The following LGALS12 variants were observed in gnomAD, a reference collection of about 807,000 sequenced individuals.
The protein encoded by LGALS12 is galectin-12.
LGALS12 carries 36 observed loss-of-function variants against 36.8 expected under a neutral mutation model. That is an observed-to-expected ratio of 0.98 (90% CI 0.75 to 1.29). The LOEUF is 1.29. LGALS12 is among the 50% of genes most tolerant of loss of function. The probability of loss-of-function intolerance (pLI) is 0.00; values close to 1 mark genes in which losing one functional copy is unlikely to be tolerated. For synonymous variants in LGALS12, 145 were observed against 155.9 expected (o/e 0.93, Z 0.52); for missense variants, 366 against 394.3 (o/e 0.93, Z 0.61).
rs776883006 is a variant in LGALS12 at position 63,506,491 on chromosome 11, T to C, written c.33T>C (p.Pro11=). ...CTGGAGAAAAACTGGACCCAATTCC[T>C]GACAGCTTCATTCTGCAACCACCAG... MSPGEKLDPI[P]DSFILQPPVF... Residue 11 remains proline (P), a synonymous_variant, in exon 1 of 9, where the codon CCT becomes CCC. Coordinates refer to ENST00000394618, the MANE Select transcript of LGALS12 (RefSeq NM_033101.4). 6.2e-7 allele frequency: 1 copy of C among 1,614,222 alleles called. No individual in the cohort carries two copies. Among genetic ancestry groups the C allele is most frequent in the Non-Finnish European group, 8.5e-7 (1 of 1,180,032 alleles).
At position 63,509,912 on chromosome 11, in the gene LGALS12, G is replaced by T; in HGVS notation, c.492+15G>T. On this transcript the variant is annotated intron_variant, in intron 4 of 8. Transcript: ENST00000394618. ...TGAACATCAATGTAAGTTTCCTTGG[G>T]ACCAAGGCCTGGGCAGTGGCAGCCT... The T allele has an allele frequency of 6.2e-7, 1 of 1,612,650 alleles. No homozygotes were observed. The highest frequency in any genetic ancestry group is 1.1e-5 in the South Asian group (1 of 90,782).
At position 63,507,495 on chromosome 11, in the gene LGALS12, G is replaced by C. The variant is rs138084203; in HGVS notation, c.69+968G>C. Among the ~76,000 whole-genome samples the C allele has an allele frequency of 1.8e-4, 28 of 152,170 alleles. No individual in the cohort carries two copies. The East Asian group carries it at 4.6e-3, about 25-fold the overall frequency. On this transcript the variant is annotated intron_variant, in intron 1 of 8. Transcript: ENST00000394618. ...GAGGGAAAGAGAAGGCTTCAGTTTT[G>C]AGGGGCTTATAAACTAGGGAAAAAA...
At chr11:63,511,025 T>G in intron 5 of LGALS12, 54 bp from the exon 6 acceptor site, 1 of 1,580,682 alleles carries the variant, frequency 6.3e-7, no homozygotes, top group Admixed American at 1.7e-5. Context: ...AGAGTTTCCC[T>G]TTTCCTGAGC....
chr11:63,511,215 T>C, intron 6 of LGALS12, 110 bp downstream of exon 6: 1 of 1,045,112 alleles, frequency 9.6e-7, no homozygotes, highest in Non-Finnish European at 1.4e-6. Flanking sequence ...TTCCCCTTCC[T>C]TTATAGAAAA....
chr11:63,509,073 C>A, intron 3 of LGALS12, 82 bp downstream of exon 3: 1 of 1,110,202 alleles, frequency 9.0e-7, no homozygotes, highest in Non-Finnish European at 1.3e-6. Flanking sequence ...CCCCACGACA[C>A]AATGTTGAGT....
At chr11:63,509,304 C>T (rs1439601490) in intron 3 of LGALS12, among the ~76,000 whole-genome samples, 1 of 152,232 alleles carries the variant, frequency 6.6e-6, no homozygotes, top group Admixed American at 6.5e-5. Flanking sequence ...ACAATAACCC[C>T]ATTAGGTAGG....
chr11:63,509,289 T>G (rs745713573), intron 3 of LGALS12, among the ~76,000 whole-genome samples: 12 of 152,246 alleles, frequency 7.9e-5, no homozygotes, highest in Non-Finnish European at 1.3e-4. Context: ...GCTCATTGAA[T>G]GCTCACAATA....
chr11:63,506,609 G>A (rs2120354810), intron 1 of LGALS12, 82 bp downstream of exon 1: 4 of 1,568,372 alleles, frequency 2.6e-6, no homozygotes, highest in Non-Finnish European at 3.5e-6. Flanking sequence ...GGGTGGTGGG[G>A]TGGAAAGGAC....
In LGALS12 at chr11:63,516,415, G is replaced by T. The variant is rs886400760; in HGVS notation, c.*22G>T. ...CTGAGGATGGTTCCAGGGAAATACCGCCAGAAAACAAGAAGGTCAGCCCAC... is the reference window on the plus strand; with the variant it reads ...CTGAGGATGGTTCCAGGGAAATACCTCCAGAAAACAAGAAGGTCAGCCCAC... On this transcript the variant is annotated 3_prime_UTR_variant, in exon 9 of 9. Coordinates refer to ENST00000394618, the MANE Select transcript of LGALS12 (RefSeq NM_033101.4). 1.9e-6 allele frequency: 3 copies of T among 1,613,282 alleles called. No homozygotes were observed. The highest frequency in any genetic ancestry group is 1.7e-6 in the Non-Finnish European group (2 of 1,179,886).
At chr11:63,514,290 G>A (rs1383970664) in intron 7 of LGALS12, among the ~76,000 whole-genome samples, 1 of 152,152 alleles carries the variant, frequency 6.6e-6, no homozygotes, top group African/African-American at 2.4e-5. Context: ...AAATAATCTG[G>A]GCCGGGCGCG....
chr11:63,509,833 A>G lies in LGALS12; in HGVS notation c.428A>G (p.His143Arg). 4 of 1,613,726 alleles carry G rather than the reference A, an allele frequency of 2.5e-6. No homozygotes were observed. The highest frequency in any genetic ancestry group is 3.4e-6 in the Non-Finnish European group (4 of 1,179,598). Residue 143 changes from histidine (H) to arginine (R), a missense_variant, in exon 4 of 9, where the codon CAT becomes CGT. Physicochemically the swap from His to Arg is conservative, Grantham distance 29. Coordinates refer to ENST00000394618, the MANE Select transcript of LGALS12 (RefSeq NM_033101.4). ...LHFRYRLPLS[H>R]VDTLGIFGDI... ...TTCCGCTACCGGCTCCCACTGTCTCATGTGGACACGCTGGGTATATTTGGT... is the reference window on the plus strand; with the variant it reads ...TTCCGCTACCGGCTCCCACTGTCTCGTGTGGACACGCTGGGTATATTTGGT...
In LGALS12 at chr11:63,510,520, AG is replaced by A; in HGVS notation, c.531+21del. Reference sequence around the variant, plus strand: ...TGGACATGTGAGTTTCTTGGCAGCAAGGTCTGAGCAGCCACACCAGCTGACC... The same window carrying A: ...TGGACATGTGAGTTTCTTGGCAGCAAGTCTGAGCAGCCACACCAGCTGACC... On this transcript the variant is annotated intron_variant, in intron 5 of 8. Transcript: ENST00000394618. 6.2e-7 allele frequency: 1 copy of A among 1,612,912 alleles called. No individual in the cohort carries two copies. Among genetic ancestry groups the A allele is most frequent in the East Asian group, 2.2e-5 (1 of 44,880 alleles).
At position 63,509,834 on chromosome 11, in the gene LGALS12, T is replaced by C; in HGVS notation, c.429T>C (p.His143=). The change falls in exon 4 of 9, where the codon CAT becomes CAC. Residue 143 remains histidine (H), a synonymous_variant. Transcript: ENST00000394618. Reference sequence around the variant, plus strand: ...TCCGCTACCGGCTCCCACTGTCTCATGTGGACACGCTGGGTATATTTGGTG... The same window carrying C: ...TCCGCTACCGGCTCCCACTGTCTCACGTGGACACGCTGGGTATATTTGGTG... ...LHFRYRLPLS[H]VDTLGIFGDI... 1 of 1,614,108 alleles carries C rather than the reference T, an allele frequency of 6.2e-7. No homozygotes were observed. Among genetic ancestry groups the C allele is most frequent in the Non-Finnish European group, 8.5e-7 (1 of 1,179,918 alleles).
At position 63,510,506 on chromosome 11, in the gene LGALS12, G is replaced by C. The variant is rs766969035; in HGVS notation, c.531+5G>C. The C allele has an allele frequency of 1.9e-6, 3 of 1,614,058 alleles. No homozygotes were observed. In the South Asian group the frequency reaches 3.3e-5, roughly 18 times the overall value. On this transcript the variant is annotated splice_donor_5th_base_variant and intron_variant, in intron 5 of 8. Coordinates refer to ENST00000394618, the MANE Select transcript of LGALS12 (RefSeq NM_033101.4). ...AGAGAGTACCCAGCTGGACATGTGA[G>C]TTTCTTGGCAGCAAGGTCTGAGCAG...
At chr11:63,509,017 G>A (rs758493827) in intron 3 of LGALS12, 26 bp downstream of exon 3, 1 of 1,583,550 alleles carries the variant, frequency 6.3e-7, no homozygotes, top group African/African-American at 1.3e-5. Context: ...GGCATTGGGT[G>A]GTCTAGAATT....
At chr11:63,510,947 G>T (rs2016900571) in intron 5 of LGALS12, 132 bp from the exon 6 acceptor site, 2 of 833,380 alleles carry the variant, frequency 2.4e-6, no homozygotes, top group African/African-American at 3.3e-5. Flanking sequence ...TCCCACTGGG[G>T]CTCCAATGAC....
chr11:63,516,494 A>G lies in LGALS12; in HGVS notation c.*101A>G, dbSNP rs2017089032. 4 of 1,375,026 alleles carry G rather than the reference A, an allele frequency of 2.9e-6. No homozygotes were observed. The South Asian group carries it at 3.6e-5, about 12-fold the overall frequency. The allele number at this position is 1,375,026 out of a possible 1,614,324, so 85.2% of individuals were successfully genotyped here. A position where few individuals can be genotyped will look rare whatever the true frequency, so the allele number is the denominator to read the frequency against. ...TAAACCATCCACCTGACACCAGCAC[A>G]TCAGGCCTGGTTCACCTCTGGGGTC... On this transcript the variant is annotated 3_prime_UTR_variant, in exon 9 of 9. Transcript: ENST00000394618.
intron 4 of LGALS12, 109 bp downstream of exon 4, chr11:63,510,006 C>T (rs1480528936): frequency 6.0e-6 from 8 of 1,335,682 alleles, no homozygotes; most frequent in Non-Finnish European, 7.1e-6. Flanking sequence ...GAGAGGACGC[C>T]CTGTGCACCA....
chr11:63,516,703 T>G lies in LGALS12; in HGVS notation c.*310T>G. 1 of 326,784 alleles carries G rather than the reference T, an allele frequency of 3.1e-6. No homozygotes were observed. Among genetic ancestry groups the G allele is most frequent in the Non-Finnish European group, 5.6e-6 (1 of 177,836 alleles). The allele number at this position is 326,784 out of a possible 1,614,324, so 20.2% of individuals were successfully genotyped here. On this transcript the variant is annotated 3_prime_UTR_variant, in exon 9 of 9. Transcript: ENST00000394618. Reference sequence around the variant, plus strand: ...AAAGATACTCCAAAATACAATGGCTTAAAGAATGTGGTCATTTATTCTTTA... The same window carrying G: ...AAAGATACTCCAAAATACAATGGCTGAAAGAATGTGGTCATTTATTCTTTA...
Sources: allele counts gnomAD v4.1 joint callset (sites outside exome capture counted in the v4.1 genomes callset), GRCh38; gene constraint gnomAD v4.1.1; transcripts MANE v1.5; gene names NCBI Gene and HGNC (gene_info 2026-07-23, HGNC 2026-07-21).